The following EIF4EBP1 variants were observed in gnomAD, a reference collection of about 807,000 sequenced individuals.
EIF4EBP1 encodes the protein eukaryotic translation initiation factor 4E-binding protein 1.
EIF4EBP1 carries 5 observed loss-of-function variants against 9.2 expected under a neutral mutation model. That is an observed-to-expected ratio of 0.54 (90% CI 0.28 to 1.14). EIF4EBP1 has a LOEUF of 1.14. Ranked by LOEUF, EIF4EBP1 falls within the 50% of genes most tolerant of loss-of-function variation. The pLI, the probability that EIF4EBP1 is intolerant of heterozygous loss-of-function variation, is 0.09. For synonymous variants in EIF4EBP1, 62 were observed against 67.0 expected (o/e 0.93, Z 0.36); for missense variants, 139 against 169.6 (o/e 0.82, Z 1.00).
intron 1 of EIF4EBP1, among the ~76,000 whole-genome samples, chr8:38,048,375 T>TTA (rs1222782336): frequency 5.3e-5 from 8 of 151,968 alleles, no homozygotes; most frequent in African/African-American, 1.2e-4. Context: ...ATTTCCACTT[T>TTA]TATATATATA....
At chr8:38,031,205 G>T (rs2130374923) in intron 1 of EIF4EBP1, among the ~76,000 whole-genome samples, 1 of 152,314 alleles carries the variant, frequency 6.6e-6, no homozygotes, top group African/African-American at 2.4e-5. Flanking sequence ...TCTGACTGAG[G>T]TTCGGATCTG....
intron 1 of EIF4EBP1, among the ~76,000 whole-genome samples, chr8:38,051,700 G>A (rs911315415): frequency 2.6e-5 from 4 of 152,132 alleles, no homozygotes; most frequent in African/African-American, 9.7e-5. Context: ...CCAGGTTCAA[G>A]TGATTCTCCT....
At position 38,033,743 on chromosome 8, in the gene EIF4EBP1, CTTTTTTTTTTT is replaced by C. The variant is rs34809551; in HGVS notation, c.145+3036_145+3046del. On this transcript the variant is annotated intron_variant, in intron 1 of 2. Transcript: ENST00000338825. ...ATTCCTATGACTCCAGTTTGCTTTC[CTTTTTTTTTTT>C]TTTTTTTTTTGAGATGGAGTTTCGC... is the stretch of plus-strand genomic sequence containing the variant. 1.2e-4 allele frequency among the ~76,000 whole-genome samples: 12 copies of C among 104,258 alleles called. No homozygotes were observed. The South Asian group carries it at 2.8e-3, about 25-fold the overall frequency. The allele number at this position is 104,258 out of a possible 152,430, so 68.4% of individuals were successfully genotyped here. A position where few individuals can be genotyped will look rare whatever the true frequency, so the allele number is the denominator to read the frequency against.
intron 1 of EIF4EBP1, among the ~76,000 whole-genome samples, chr8:38,045,580 C>T (rs1211961576): frequency 6.6e-6 from 1 of 151,774 alleles, no homozygotes; most frequent in Non-Finnish European, 1.5e-5. Flanking sequence ...TGGTGCATGC[C>T]TGTAGTCCCA....
intron 1 of EIF4EBP1, among the ~76,000 whole-genome samples, chr8:38,055,919 G>A (rs1809588198): frequency 6.6e-6 from 1 of 152,100 alleles, no homozygotes; most frequent in Non-Finnish European, 1.5e-5. Context: ...CAAGGTCAGT[G>A]ACACACTGGC....
chr8:38,034,922 A>G (rs1418681031), intron 1 of EIF4EBP1, among the ~76,000 whole-genome samples: 1 of 152,132 alleles, frequency 6.6e-6, no homozygotes, highest in Non-Finnish European at 1.5e-5. Context: ...GGGAGAAACG[A>G]TGGACCCTCT....
chr8:38,045,381 C>T (rs905781109), intron 1 of EIF4EBP1, among the ~76,000 whole-genome samples: 1 of 152,106 alleles, frequency 6.6e-6, no homozygotes, highest in Non-Finnish European at 1.5e-5. Context: ...GAGCCTAGTA[C>T]AATGCCGTTG....
intron 1 of EIF4EBP1, among the ~76,000 whole-genome samples, chr8:38,051,628 G>A (rs943439866): frequency 2.6e-5 from 4 of 151,796 alleles, no homozygotes; most frequent in African/African-American, 4.8e-5. Context: ...TGACAGAGTC[G>A]TGCTCTGTCT....
At chr8:38,049,001 T>C (rs901380546) in intron 1 of EIF4EBP1, among the ~76,000 whole-genome samples, 10 of 151,536 alleles carry the variant, frequency 6.6e-5, no homozygotes, top group African/African-American at 2.2e-4. Flanking sequence ...GGTGCAGGCC[T>C]GTAATCCCAG....
In EIF4EBP1 at chr8:38,039,562, C is replaced by T. The variant is rs186112452; in HGVS notation, c.145+8844C>T. Among the ~76,000 whole-genome samples, 23 of 152,076 alleles carry T rather than the reference C, an allele frequency of 1.5e-4. 1 individual carries two copies. In the East Asian group the frequency reaches 4.3e-3, roughly 28 times the overall value. On this transcript the variant is annotated intron_variant, in intron 1 of 2. Transcript: ENST00000338825. ...CTGGGATTATAGGCGTGTGCCACCA[C>T]ACCCAGCTAATTTGTATTTTTAGTA...
At chr8:38,043,529 T>G (rs985983133) in intron 1 of EIF4EBP1, among the ~76,000 whole-genome samples, 3 of 151,996 alleles carry the variant, frequency 2.0e-5, no homozygotes, top group Non-Finnish European at 2.9e-5. Flanking sequence ...GTATTTTTAG[T>G]AGAGACAGAG....
intron 1 of EIF4EBP1, among the ~76,000 whole-genome samples, chr8:38,037,480 T>C (rs1213201379): frequency 6.6e-6 from 1 of 151,958 alleles, no homozygotes; most frequent in African/African-American, 2.4e-5. Context: ...CACACCCAGC[T>C]AATTTTTGTA....
chr8:38,057,315 C>T (rs1809612861), intron 2 of EIF4EBP1, 55 bp downstream of exon 2: 1 of 1,537,306 alleles, frequency 6.5e-7, no homozygotes, highest in Non-Finnish European at 8.7e-7. Context: ...GTATGAGGCT[C>T]CTGGAGTCCA....
At chr8:38,044,410 A>G (rs866087502) in intron 1 of EIF4EBP1, among the ~76,000 whole-genome samples, 1 of 152,040 alleles carries the variant, frequency 6.6e-6, no homozygotes, top group African/African-American at 2.4e-5. Flanking sequence ...AGTGTTAGCT[A>G]AGGGGTGGTA....
intron 1 of EIF4EBP1, among the ~76,000 whole-genome samples, chr8:38,054,451 AAAAC>A (rs374051798): frequency 7.2e-5 from 11 of 152,258 alleles, no homozygotes; most frequent in South Asian, 2.1e-4. Flanking sequence ...ACTCCATCTC[AAAAC>A]AAACAAACAA....
intron 1 of EIF4EBP1, among the ~76,000 whole-genome samples, chr8:38,052,106 C>T (rs1371675637): frequency 1.3e-5 from 2 of 152,174 alleles, no homozygotes; most frequent in African/African-American, 4.8e-5. Flanking sequence ...AACACACACA[C>T]AGGTTTCTGT....
chr8:38,038,109 A>G (rs1414253842), intron 1 of EIF4EBP1, among the ~76,000 whole-genome samples: 1 of 152,034 alleles, frequency 6.6e-6, no homozygotes, highest in Non-Finnish European at 1.5e-5. Context: ...ACTTATCCTC[A>G]TACAGATAGT....
At chr8:38,031,721 G>T (rs1441557738) in intron 1 of EIF4EBP1, among the ~76,000 whole-genome samples, 2 of 152,186 alleles carry the variant, frequency 1.3e-5, no homozygotes, top group Non-Finnish European at 2.9e-5. Context: ...AGCGAGCGCG[G>T]CCAGATCCGA....
At chr8:38,055,447 C>T (rs1809582419) in intron 1 of EIF4EBP1, among the ~76,000 whole-genome samples, 1 of 152,048 alleles carries the variant, frequency 6.6e-6, no homozygotes, top group South Asian at 2.1e-4. Context: ...GAAGGGCATT[C>T]CTGAAGTCCT....
Sources: allele counts gnomAD v4.1 joint callset (sites outside exome capture counted in the v4.1 genomes callset), GRCh38; gene constraint gnomAD v4.1.1; transcripts MANE v1.5; gene names NCBI Gene and HGNC (gene_info 2026-07-23, HGNC 2026-07-21).